GLB1: variants seen among roughly 807,000 people sequenced by gnomAD.
The protein encoded by GLB1 is beta-galactosidase.
In GLB1, 56 loss-of-function variants were observed where a neutral mutation model predicts 74.0. The ratio of observed to expected loss-of-function variants is 0.76; its 90% confidence interval spans 0.61 to 0.94. GLB1 has a LOEUF of 0.94. Ranked by LOEUF, GLB1 falls within the 40% of genes least tolerant of loss-of-function variation. The pLI is 0.00. For synonymous variants in GLB1, 323 were observed against 323.6 expected (o/e 1.00, Z 0.02); for missense variants, 787 against 845.5 (o/e 0.93, Z 0.86).
chr3:32,985,311 G>A, the GLB1 span, among the ~76,000 whole-genome samples: 5 of 151,878 alleles, frequency 3.3e-5, no homozygotes, highest in Non-Finnish European at 7.4e-5. Flanking sequence ...TATTTTTTGA[G>A]ATGGAGTCTC....
intron 5 of GLB1, among the ~76,000 whole-genome samples, chr3:33,063,356 T>C (rs1353205299): frequency 6.6e-6 from 1 of 152,186 alleles, no homozygotes; most frequent in South Asian, 2.1e-4. Context: ...CTTTCTTATG[T>C]CTATACTTGT....
chr3:32,963,102 A>G, the GLB1 span, among the ~76,000 whole-genome samples: 1 of 152,182 alleles, frequency 6.6e-6, no homozygotes, highest in South Asian at 2.1e-4. Context: ...GTGAAACAGA[A>G]TGGGAAATCT....
At chr3:33,042,935 T>C (rs1261306322) in intron 10 of GLB1, among the ~76,000 whole-genome samples, 3 of 152,200 alleles carry the variant, frequency 2.0e-5, no homozygotes, top group Admixed American at 1.3e-4. Context: ...GTTAAATCAT[T>C]TGCCAATAAA....
chr3:33,051,233 CAA>C lies in GLB1; in HGVS notation c.955+523_955+524del, dbSNP rs35399363. On this transcript the variant is annotated intron_variant, in intron 9 of 15. Transcript: ENST00000307363. ...TGGGCGACAGAGCGAGACTGCGTCT[CAA>C]AAAAAAAAAAAAAAAAAAAAAGTAA... 0.035 allele frequency among the ~76,000 whole-genome samples: 2,665 copies of C among 75,988 alleles called. 103 individuals carry two copies. The East Asian group carries it at 0.36, about 10-fold the overall frequency. 49.9% of individuals were successfully genotyped at this position (75,988 alleles called of 152,430 possible).
At chr3:33,048,039 C>CTGTGT (rs1411730654) in intron 9 of GLB1, among the ~76,000 whole-genome samples, 1 of 152,164 alleles carries the variant, frequency 6.6e-6, no homozygotes. Flanking sequence ...GTCACCCATG[C>CTGTGT]TGTGCTGTGT....
the GLB1 span, among the ~76,000 whole-genome samples, chr3:32,974,426 C>G: frequency 3.9e-5 from 6 of 152,052 alleles, no homozygotes; most frequent in East Asian, 1.2e-3. Context: ...TACCCATATC[C>G]ACATCTATAT....
intron 9 of GLB1, among the ~76,000 whole-genome samples, chr3:33,046,482 C>T (rs553451396): frequency 6.6e-6 from 1 of 152,212 alleles, no homozygotes; most frequent in Non-Finnish European, 1.5e-5. Flanking sequence ...CAGAAGCTCA[C>T]AGCTGTGATT....
intron 5 of GLB1, 105 bp from the exon 6 acceptor site, chr3:33,058,374 G>C: frequency 6.6e-7 from 1 of 1,521,810 alleles, no homozygotes; most frequent in South Asian, 1.2e-5. Flanking sequence ...AAGATGACAA[G>C]GCTTAATGAC....
rs773145505 is a variant in GLB1 at position 33,051,766 on chromosome 3, TA to T, written c.946del (p.Tyr316IlefsTer22). On this transcript the variant is annotated frameshift_variant, in exon 9 of 16. Coordinates refer to ENST00000307363, the MANE Select transcript of GLB1 (RefSeq NM_000404.4). LOFTEE classifies it high-confidence loss of function. Reference protein sequence around the residue: ...YMFIGGTNFAYWNGANSPYAA... With the variant: ...YMFIGGTNFAXWNGANSPYAA... ...TATTAAAGTGCTCTTACCATTCCAA[TA>T]GGCAAAATTGGTCCCACCTATAAAC... 6.2e-7 allele frequency: 1 copy of T among 1,614,020 alleles called. No homozygotes were observed. Among genetic ancestry groups the T allele is most frequent in the Non-Finnish European group, 8.5e-7 (1 of 1,180,032 alleles).
chr3:33,081,617 A>G (rs1387954369), intron 1 of GLB1, among the ~76,000 whole-genome samples: 2 of 152,212 alleles, frequency 1.3e-5, no homozygotes, highest in African/African-American at 4.8e-5. Flanking sequence ...CAGTGGGGCC[A>G]TCCTCTGCAG....
chr3:33,090,749 A>G (rs1700721656), intron 1 of GLB1: 1 of 985,318 alleles, frequency 1.0e-6, no homozygotes, highest in Non-Finnish European at 1.2e-6. Flanking sequence ...GCGTCAGGGA[A>G]TACAAACCAC....
At position 33,022,563 on chromosome 3, in the gene GLB1, G is replaced by GTTTTTTTTTTTTTT. The variant is rs1380045437; in HGVS notation, c.1144-909_1144-908insAAAAAAAAAAAAAA. Among the ~76,000 whole-genome samples, 10 of 15,326 alleles carry GTTTTTTTTTTTTTT rather than the reference G, an allele frequency of 6.5e-4. No individual in the cohort carries two copies. In the East Asian group the frequency reaches 0.015, roughly 23 times the overall value. The allele number at this position is 15,326 out of a possible 152,430, so 10.1% of individuals were successfully genotyped here. A position where few individuals can be genotyped will look rare whatever the true frequency, so the allele number is the denominator to read the frequency against. ...TTTCCATGACTATAATACTGGTTAG[G>GTTTTTTTTTTTTTT]ATTTTTTTTTTTTTTTTTTTGAGAG... On this transcript the variant is annotated intron_variant, in intron 11 of 15. Transcript: ENST00000307363.
At chr3:33,068,209 A>G in intron 4 of GLB1, 21 bp downstream of exon 4, 2 of 1,613,992 alleles carry the variant, frequency 1.2e-6, no homozygotes, top group South Asian at 1.1e-5. Context: ...AAATCTTCTC[A>G]AGACATCTGT....
rs772490092 is a variant in GLB1 at position 33,085,274 on chromosome 3, C to CAAAAAA, written c.75+11731_75+11736dup. On this transcript the variant is annotated intron_variant, in intron 1 of 15. Coordinates refer to ENST00000307363, the MANE Select transcript of GLB1 (RefSeq NM_000404.4). ...AGAGTGACAGAGCAAGAGTCTGTTT[C>CAAAAAA]AAAAAAAAAAAAAAAAAAAGCGAGA... Among the ~76,000 whole-genome samples, 261 of 74,114 alleles carry CAAAAAA rather than the reference C, an allele frequency of 3.5e-3. 12 individuals carry two copies. The highest frequency in any genetic ancestry group is 0.012 in the African/African-American group (234 of 19,628). 48.6% of individuals were successfully genotyped at this position (74,114 alleles called of 152,430 possible). A position where few individuals can be genotyped will look rare whatever the true frequency, so the allele number is the denominator to read the frequency against.
chr3:33,095,305 C>A (rs1476116168), intron 1 of GLB1, among the ~76,000 whole-genome samples: 2 of 151,126 alleles, frequency 1.3e-5, no homozygotes, highest in Non-Finnish European at 2.9e-5. Flanking sequence ...GTCACGAGGT[C>A]AGGAGATCGA....
At chr3:33,070,594 T>C (rs1414723678) in intron 2 of GLB1, among the ~76,000 whole-genome samples, 4 of 152,228 alleles carry the variant, frequency 2.6e-5, no homozygotes, top group African/African-American at 9.6e-5. Flanking sequence ...CTGTAATCCC[T>C]GCACTCTGGG....
At chr3:33,055,073 C>T (rs985706864) in intron 6 of GLB1, among the ~76,000 whole-genome samples, 6 of 152,240 alleles carry the variant, frequency 3.9e-5, no homozygotes, top group Non-Finnish European at 7.3e-5. Context: ...GTCTTTCTCA[C>T]TATTAAGCAT....
intron 10 of GLB1, among the ~76,000 whole-genome samples, chr3:33,029,388 A>G (rs1182881253): frequency 6.6e-6 from 1 of 152,208 alleles, no homozygotes; most frequent in East Asian, 1.9e-4. Flanking sequence ...GTTTTCATAC[A>G]TTCATCCAAC....
At chr3:32,967,401 T>C in the GLB1 span, among the ~76,000 whole-genome samples, 1 of 152,200 alleles carries the variant, frequency 6.6e-6, no homozygotes, top group Non-Finnish European at 1.5e-5. Context: ...ACCTCGTCTC[T>C]ACTAAAAATA....
Sources: allele counts gnomAD v4.1 joint callset (sites outside exome capture counted in the v4.1 genomes callset), GRCh38; gene constraint gnomAD v4.1.1; transcripts MANE v1.5; gene names NCBI Gene and HGNC (gene_info 2026-07-23, HGNC 2026-07-21).